The following MNAT1 variants were observed in gnomAD, a reference collection of about 807,000 sequenced individuals.
MNAT1 encodes the protein MNAT1 component of CDK activating kinase.
MNAT1 carries 43 observed loss-of-function variants against 42.0 expected under a neutral mutation model. The ratio of observed to expected loss-of-function variants is 1.02; its 90% confidence interval spans 0.80 to 1.32. The LOEUF is 1.32. Ranked by LOEUF, MNAT1 falls within the 40% of genes most tolerant of loss-of-function variation. MNAT1 has a pLI of 0.00. For missense variants in MNAT1, 306 were observed against 350.4 expected, an observed-to-expected ratio of 0.87 and a Z score of 1.01; for synonymous variants, 118 against 120.0, an observed-to-expected ratio of 0.98 and a Z score of 0.11.
At chr14:60,774,640 T>G (rs4151179) in intron 1 of MNAT1, among the ~76,000 whole-genome samples, 2,345 of 152,262 alleles carry the variant, frequency 0.015, 47 homozygotes, top group African/African-American at 0.048. Context: ...GTACTTCAAG[T>G]AATAAGTGAT....
Position 60,896,630 on chromosome 14 carries a change from C to T in MNAT1, c.809+16795C>T, listed in dbSNP as rs181433326. ...CCTTCTGAGTAGCTGGAAAAACAGG[C>T]GCACACCACCATGCCTGTCTAATTT... On this transcript the variant is annotated intron_variant, in intron 7 of 7. Transcript: ENST00000261245. Among the ~76,000 whole-genome samples the T allele has an allele frequency of 1.6e-3, 239 of 152,190 alleles. 1 individual carries two copies. The highest frequency in any genetic ancestry group is 2.7e-3 in the Non-Finnish European group (182 of 68,006).
At chr14:60,771,912 A>C (rs1355608696) in intron 1 of MNAT1, among the ~76,000 whole-genome samples, 2 of 152,198 alleles carry the variant, frequency 1.3e-5, no homozygotes, top group African/African-American at 4.8e-5. Flanking sequence ...TATGATGGGT[A>C]AATTTTCTTT....
chr14:60,743,778 A>C (rs897044735), intron 1 of MNAT1, among the ~76,000 whole-genome samples: 3 of 152,152 alleles, frequency 2.0e-5, no homozygotes, highest in Non-Finnish European at 4.4e-5. Flanking sequence ...TTGAGAAGTT[A>C]ATTTTACTCA....
chr14:60,866,976 T>TAATTAAACACTA (rs1448522929), intron 6 of MNAT1, among the ~76,000 whole-genome samples: 8 of 151,958 alleles, frequency 5.3e-5, no homozygotes, highest in African/African-American at 1.7e-4. Context: ...CTAATTAGAG[T>TAATTAAACACTA]ATGTGTTTAA....
chr14:60,941,713 A>AG (rs1373110618), intron 7 of MNAT1, among the ~76,000 whole-genome samples: 2 of 151,440 alleles, frequency 1.3e-5, no homozygotes, highest in Non-Finnish European at 2.9e-5. Context: ...TAAAAAAAAA[A>AG]AAAGTCAATG....
chr14:60,893,063 A>T (rs2034879259), intron 7 of MNAT1, among the ~76,000 whole-genome samples: 1 of 152,090 alleles, frequency 6.6e-6, no homozygotes, highest in African/African-American at 2.4e-5. Context: ...AGTCTCTTAA[A>T]TCTTACAATG....
At chr14:60,782,203 C>G (rs755781918) in intron 1 of MNAT1, among the ~76,000 whole-genome samples, 3 of 151,880 alleles carry the variant, frequency 2.0e-5, no homozygotes, top group Non-Finnish European at 4.4e-5. Flanking sequence ...GCTTTTTAAG[C>G]TAAAACGTGA....
chr14:60,834,077 C>T (rs2033303589), intron 6 of MNAT1, among the ~76,000 whole-genome samples: 1 of 151,984 alleles, frequency 6.6e-6, no homozygotes, highest in African/African-American at 2.4e-5. Context: ...GTTTATTAGT[C>T]TGGATAATGG....
At chr14:60,900,526 T>C (rs117671601) in intron 7 of MNAT1, among the ~76,000 whole-genome samples, 3 of 152,202 alleles carry the variant, frequency 2.0e-5, no homozygotes, top group Non-Finnish European at 4.4e-5. Context: ...TAACAAAGGT[T>C]GGTTCATGAA....
chr14:60,938,780 C>T (rs377090936), intron 7 of MNAT1, among the ~76,000 whole-genome samples: 5 of 152,184 alleles, frequency 3.3e-5, no homozygotes, highest in African/African-American at 9.6e-5. Flanking sequence ...TCTTTTTCTA[C>T]TGATTGGAAT....
chr14:60,913,746 T>C (rs1185630076), intron 7 of MNAT1, among the ~76,000 whole-genome samples: 5 of 152,052 alleles, frequency 3.3e-5, no homozygotes, highest in Admixed American at 3.3e-4. Context: ...TACTGGGGGG[T>C]ACCTCCTAGT....
intron 5 of MNAT1, among the ~76,000 whole-genome samples, chr14:60,814,859 G>A (rs1368687471): frequency 1.3e-5 from 2 of 152,090 alleles, no homozygotes; most frequent in Non-Finnish European, 2.9e-5. Context: ...CTATTAAGTG[G>A]CAGGTATGGC....
intron 7 of MNAT1, among the ~76,000 whole-genome samples, chr14:60,958,175 G>C (rs1312390673): frequency 6.6e-6 from 1 of 152,168 alleles, no homozygotes; most frequent in Non-Finnish European, 1.5e-5. Context: ...TTTTGTTAAA[G>C]TCTGAAGAAC....
At chr14:60,956,400 A>T (rs1281399162) in intron 7 of MNAT1, among the ~76,000 whole-genome samples, 1 of 152,178 alleles carries the variant, frequency 6.6e-6, no homozygotes, top group Non-Finnish European at 1.5e-5. Context: ...AAATGTGTTA[A>T]GATTTGGTTT....
At chr14:60,849,844 CTT>C (rs879394549) in intron 6 of MNAT1, among the ~76,000 whole-genome samples, 1 of 146,174 alleles carries the variant, frequency 6.8e-6, no homozygotes, top group Admixed American at 6.8e-5. Flanking sequence ...TTCTTTCTTT[CTT>C]TTTTTTTTTA....
chr14:60,878,911 G>A (rs1304864238), intron 6 of MNAT1, among the ~76,000 whole-genome samples: 1 of 152,132 alleles, frequency 6.6e-6, no homozygotes, highest in Non-Finnish European at 1.5e-5. Context: ...CCCATTGAGT[G>A]GAAAGTTTGC....
intron 1 of MNAT1, among the ~76,000 whole-genome samples, chr14:60,780,751 T>A (rs1022160388): frequency 3.9e-5 from 6 of 152,198 alleles, no homozygotes; most frequent in Non-Finnish European, 7.3e-5. Context: ...TTCCTTTTGT[T>A]TTTTTGGTAC....
intron 7 of MNAT1, among the ~76,000 whole-genome samples, chr14:60,960,621 T>A (rs1479247919): frequency 2.0e-5 from 3 of 152,144 alleles, no homozygotes; most frequent in Non-Finnish European, 4.4e-5. Flanking sequence ...CCACCCTTAA[T>A]TGCTTCTCCA....
chr14:60,890,492 C>T (rs537282032), intron 7 of MNAT1, among the ~76,000 whole-genome samples: 5 of 152,150 alleles, frequency 3.3e-5, no homozygotes, highest in East Asian at 3.9e-4. Flanking sequence ...TTGACTCACA[C>T]GATCACAAGG....
Sources: gnomAD v4.1 joint callset for allele counts (sites outside exome capture counted in the v4.1 genomes callset) on GRCh38, gnomAD v4.1.1 for gene constraint, MANE v1.5 for transcripts, NCBI Gene and HGNC (gene_info 2026-07-23, HGNC 2026-07-21) for gene names.